LRP1B: variants seen among roughly 807,000 people sequenced by gnomAD.
LRP1B encodes LDL receptor related protein 1B.
In LRP1B, 217 loss-of-function variants were observed where a neutral mutation model predicts 556.6. The observed-to-expected ratio is 0.39, with a 90% CI of 0.35 to 0.44. LRP1B has a LOEUF of 0.44. Among genes scored for constraint, LRP1B ranks in the 20% least tolerant of loss-of-function variants. The pLI, the probability that LRP1B is intolerant of heterozygous loss-of-function variation, is 1.00. For synonymous variants in LRP1B, 2,047 were observed against 1,865.8 expected (o/e 1.10, Z -2.50); for missense variants, 5,053 against 5,620.8 (o/e 0.90, Z 3.23).
chr2:140,316,328 C>T (rs548856386), intron 82 of LRP1B, among the ~76,000 whole-genome samples: 7 of 152,208 alleles, frequency 4.6e-5, no homozygotes, highest in African/African-American at 1.7e-4. Flanking sequence ...ATGACAGAAG[C>T]TTGAATATAT....
At chr2:141,734,060 T>C (rs1386517889) in intron 2 of LRP1B, among the ~76,000 whole-genome samples, 1 of 152,080 alleles carries the variant, frequency 6.6e-6, no homozygotes, top group Non-Finnish European at 1.5e-5. Flanking sequence ...ATTTGTTGAC[T>C]GATTAAATAA....
intron 82 of LRP1B, among the ~76,000 whole-genome samples, chr2:140,315,570 C>A (rs563353921): frequency 4.4e-4 from 67 of 152,144 alleles, no homozygotes; most frequent in African/African-American, 1.6e-3. Flanking sequence ...CACCACCACA[C>A]GTGGCCAATT....
rs909502446 is a variant in LRP1B, at chr2:140,270,211, T to C, written c.13247+31A>G. The C allele has an allele frequency of 3.3e-6, 5 of 1,493,174 alleles. No homozygotes were observed. The African/African-American group carries it at 6.9e-5, about 21-fold the overall frequency. The allele number at this position is 1,493,174 out of a possible 1,614,324, so 92.5% of individuals were successfully genotyped here. ...TTCATGTACATACAAAGGCTTATTATAAGATGCCCATGACTTGATTAAATA... is the reference window on the plus strand; with the variant it reads ...TTCATGTACATACAAAGGCTTATTACAAGATGCCCATGACTTGATTAAATA... On this transcript the variant is annotated intron_variant, in intron 86 of 90. Coordinates refer to ENST00000389484, the MANE Select transcript of LRP1B (RefSeq NM_018557.3).
At chr2:140,533,374 A>AT (rs2104992354) in intron 47 of LRP1B, among the ~76,000 whole-genome samples, 1 of 152,234 alleles carries the variant, frequency 6.6e-6, no homozygotes, top group East Asian at 1.9e-4. Context: ...TGATATCCAA[A>AT]TTTAGACAGT....
chr2:140,623,248 G>A (rs1293806067), intron 41 of LRP1B, among the ~76,000 whole-genome samples: 1 of 152,088 alleles, frequency 6.6e-6, no homozygotes, highest in African/African-American at 2.4e-5. Flanking sequence ...TGACCAATTT[G>A]CTTGTAACTA....
At chr2:140,636,896 C>G (rs771315007) in intron 41 of LRP1B, among the ~76,000 whole-genome samples, 2 of 152,112 alleles carry the variant, frequency 1.3e-5, no homozygotes, top group African/African-American at 4.8e-5. Context: ...AAAGACTCAG[C>G]GTAGCTGTGA....
At chr2:140,610,026 C>G (rs897090233) in intron 41 of LRP1B, among the ~76,000 whole-genome samples, 1 of 150,818 alleles carries the variant, frequency 6.6e-6, no homozygotes, top group African/African-American at 2.4e-5. Flanking sequence ...TTCAGGGCTT[C>G]CATCTATAAA....
chr2:140,528,041 C>T (rs16844138), intron 47 of LRP1B, among the ~76,000 whole-genome samples: 4,147 of 151,902 alleles, frequency 0.027, 96 homozygotes, highest in Non-Finnish European at 0.04. Context: ...CTAATAGGGA[C>T]ACTTGCAACT....
chr2:140,711,508 C>T (rs771052026), intron 37 of LRP1B, among the ~76,000 whole-genome samples: 5 of 152,056 alleles, frequency 3.3e-5, no homozygotes, highest in Non-Finnish European at 5.9e-5. Context: ...CCCATTATAA[C>T]TGCCAACTTT....
In LRP1B at chr2:140,769,258, G is replaced by C. The variant is rs778717673; in HGVS notation, c.5713C>G (p.Pro1905Ala). ...EPSDKMDALM[P>A]ISGTSFAVGI... is the part of the protein sequence containing the mutation. ...ACGGCAAATGAAGTTCCTGATATAG[G>C]CATCAAAGCATCCATTTTGTCACTT... Residue 1905 changes from proline to alanine, a missense_variant, in exon 35 of 91, where the codon CCT becomes GCT. Physicochemically the swap from Pro to Ala is conservative, Grantham distance 27. Transcript: ENST00000389484. 6.2e-7 allele frequency: 1 copy of C among 1,612,050 alleles called. No homozygotes were observed. The highest frequency in any genetic ancestry group is 1.3e-5 in the African/African-American group (1 of 74,904).
At chr2:140,683,788 G>A in intron 41 of LRP1B, 1 of 956,390 alleles carries the variant, frequency 1.0e-6, no homozygotes, top group Non-Finnish European at 1.6e-6. Context: ...GTCAGCTGTA[G>A]CAAAGCCAGC....
chr2:140,252,303 ATC>A (rs1681473113), intron 86 of LRP1B, among the ~76,000 whole-genome samples: 1 of 151,800 alleles, frequency 6.6e-6, no homozygotes, highest in Admixed American at 6.6e-5. Context: ...AAAATTTTCT[ATC>A]TCAACTTTTA....
chr2:140,794,201 G>C (rs1690218885), intron 32 of LRP1B, among the ~76,000 whole-genome samples: 1 of 151,856 alleles, frequency 6.6e-6, no homozygotes, highest in Non-Finnish European at 1.5e-5. Flanking sequence ...TAAATTATTT[G>C]GAAATATCAT....
At chr2:141,184,282 T>C (rs947088586) in intron 7 of LRP1B, among the ~76,000 whole-genome samples, 2 of 152,050 alleles carry the variant, frequency 1.3e-5, no homozygotes, top group Non-Finnish European at 1.5e-5. Flanking sequence ...CCTTATGGTG[T>C]CCTCAGAGGA....
chr2:142,046,202 C>T (rs1018481205), intron 1 of LRP1B, among the ~76,000 whole-genome samples: 1 of 151,778 alleles, frequency 6.6e-6, no homozygotes, highest in African/African-American at 2.4e-5. Context: ...TACTCTTTTT[C>T]AGGGTTGGGG....
At chr2:140,665,981 TAAA>T (rs200495496) in intron 41 of LRP1B, among the ~76,000 whole-genome samples, 2 of 138,242 alleles carry the variant, frequency 1.4e-5, no homozygotes, top group South Asian at 2.4e-4. Flanking sequence ...TTCAGTGGAG[TAAA>T]AAAAAAAAAA....
chr2:141,914,095 C>T (rs1352575723), intron 1 of LRP1B, among the ~76,000 whole-genome samples: 3 of 152,056 alleles, frequency 2.0e-5, no homozygotes, highest in Admixed American at 2.0e-4. Flanking sequence ...TCGGCTTTAG[C>T]CCATCATACC....
chr2:141,633,838 T>C (rs1689000230), intron 2 of LRP1B, among the ~76,000 whole-genome samples: 1 of 151,998 alleles, frequency 6.6e-6, no homozygotes, highest in Admixed American at 6.6e-5. Flanking sequence ...AATTAAGCAA[T>C]CCAAAGTAAG....
chr2:141,931,255 G>A (rs1700496240), intron 1 of LRP1B, among the ~76,000 whole-genome samples: 3 of 151,970 alleles, frequency 2.0e-5, no homozygotes, highest in South Asian at 2.1e-4. Flanking sequence ...GGATATAAAG[G>A]TGATGGAGAA....
Sources: gnomAD v4.1 joint callset for allele counts (sites outside exome capture counted in the v4.1 genomes callset) on GRCh38, gnomAD v4.1.1 for gene constraint, MANE v1.5 for transcripts, NCBI Gene and HGNC (gene_info 2026-07-23, HGNC 2026-07-21) for gene names.